The following ARHGAP15 variants were observed in gnomAD, a reference collection of about 807,000 sequenced individuals.
The protein encoded by ARHGAP15 is rho GTPase-activating protein 15.
A neutral mutation model predicts 63.7 loss-of-function variants in ARHGAP15; 51 were observed. That is an observed-to-expected ratio of 0.80 (90% CI 0.64 to 1.01). ARHGAP15 has a LOEUF of 1.01. ARHGAP15 is among the 50% of genes least tolerant of loss of function. The pLI is 0.00. For synonymous variants in ARHGAP15, 191 were observed against 193.8 expected (o/e 0.99, Z 0.12); for missense variants, 560 against 564.6 (o/e 0.99, Z 0.08).
intron 13 of ARHGAP15, among the ~76,000 whole-genome samples, chr2:143,713,808 C>T (rs552408579): frequency 6.6e-6 from 1 of 152,204 alleles, no homozygotes; most frequent in Non-Finnish European, 1.5e-5. Flanking sequence ...CTCCAGGTCT[C>T]ACATTCAGGT....
In ARHGAP15 at chr2:143,327,799, G is replaced by C. The variant is rs561421901; in HGVS notation, c.474+77199G>C. Among the ~76,000 whole-genome samples, 4 of 152,080 alleles carry C rather than the reference G, an allele frequency of 2.6e-5. No individual in the cohort carries two copies. The South Asian group carries it at 8.3e-4, about 32-fold the overall frequency. On this transcript the variant is annotated intron_variant, in intron 6 of 13. Coordinates refer to ENST00000295095, the MANE Select transcript of ARHGAP15 (RefSeq NM_018460.4). ...CTTCTGCATGGCAAAAGAAACTATC[G>C]TCAGAGTGAAGAGGCAAACTACAGA...
intron 6 of ARHGAP15, among the ~76,000 whole-genome samples, chr2:143,307,318 G>A (rs1432402690): frequency 1.3e-5 from 2 of 152,038 alleles, no homozygotes; most frequent in East Asian, 3.9e-4. Context: ...ATATTCACAG[G>A]TCCTGTCTGT....
intron 11 of ARHGAP15, among the ~76,000 whole-genome samples, chr2:143,560,986 T>A (rs1695996546): frequency 6.6e-6 from 1 of 152,228 alleles, no homozygotes; most frequent in South Asian, 2.1e-4. Flanking sequence ...TCCATGACCT[T>A]AGATGTCAAC....
chr2:143,382,621 C>T (rs1285104761), intron 6 of ARHGAP15, among the ~76,000 whole-genome samples: 1 of 152,124 alleles, frequency 6.6e-6, no homozygotes, highest in Non-Finnish European at 1.5e-5. Context: ...GGGGTTAGGA[C>T]TTTAACATAT....
chr2:143,387,352 G>A (rs981695781), intron 6 of ARHGAP15, among the ~76,000 whole-genome samples: 4 of 152,062 alleles, frequency 2.6e-5, no homozygotes, highest in African/African-American at 4.8e-5. Flanking sequence ...TAAACAGAAT[G>A]TAAGAGTCCC....
In ARHGAP15 at chr2:143,218,839, T is replaced by G. The variant is rs530311942; in HGVS notation, c.296+2394T>G. Reference sequence around the variant, plus strand: ...ATGTTGCTGTGCTGAATACTGTAGGTGATTGTAACATAATGGTATTTGTGT... The same window carrying G: ...ATGTTGCTGTGCTGAATACTGTAGGGGATTGTAACATAATGGTATTTGTGT... On this transcript the variant is annotated intron_variant, in intron 4 of 13. Coordinates refer to ENST00000295095, the MANE Select transcript of ARHGAP15 (RefSeq NM_018460.4). Among the ~76,000 whole-genome samples the G allele has an allele frequency of 7.2e-5, 11 of 152,242 alleles. No homozygotes were observed. The South Asian group carries it at 2.3e-3, about 32-fold the overall frequency.
intron 8 of ARHGAP15, among the ~76,000 whole-genome samples, chr2:143,438,113 G>C (rs1689695105): frequency 6.6e-6 from 1 of 152,074 alleles, no homozygotes; most frequent in African/African-American, 2.4e-5. Flanking sequence ...CTTCTACCTG[G>C]CTGACCCCAA....
chr2:143,385,657 G>C (rs1354949020), intron 6 of ARHGAP15, among the ~76,000 whole-genome samples: 1 of 152,040 alleles, frequency 6.6e-6, no homozygotes, highest in Non-Finnish European at 1.5e-5. Flanking sequence ...CCATTATCTA[G>C]CCTGTAATAT....
chr2:143,445,153 AT>A (rs10671306), intron 8 of ARHGAP15, among the ~76,000 whole-genome samples: 105 of 74,452 alleles, frequency 1.4e-3, no homozygotes, highest in African/African-American at 5.6e-3. Flanking sequence ...AAGAACAATT[AT>A]TTTTTTTTTT....
At chr2:143,727,778 A>G (rs937544406) in intron 13 of ARHGAP15, among the ~76,000 whole-genome samples, 1 of 152,204 alleles carries the variant, frequency 6.6e-6, no homozygotes, top group Non-Finnish European at 1.5e-5. Flanking sequence ...TATTATGACA[A>G]TGTGGTCAAG....
chr2:143,705,412 C>A (rs1684284470), intron 13 of ARHGAP15, among the ~76,000 whole-genome samples: 1 of 152,096 alleles, frequency 6.6e-6, no homozygotes, highest in South Asian at 2.1e-4. Flanking sequence ...ATGCTTTACT[C>A]CCATTATGAT....
chr2:143,138,698 C>G (rs1321207419), intron 1 of ARHGAP15, among the ~76,000 whole-genome samples: 1 of 152,060 alleles, frequency 6.6e-6, no homozygotes, highest in Non-Finnish European at 1.5e-5. Flanking sequence ...CTTCTTAGAT[C>G]CACCTATCCA....
intron 12 of ARHGAP15, among the ~76,000 whole-genome samples, chr2:143,634,309 G>A (rs935313251): frequency 1.3e-5 from 2 of 151,956 alleles, no homozygotes; most frequent in Admixed American, 6.6e-5. Flanking sequence ...GTTTCTACCC[G>A]CACCGCACAC....
intron 12 of ARHGAP15, among the ~76,000 whole-genome samples, chr2:143,666,338 A>T (rs900287588): frequency 1.3e-5 from 2 of 152,120 alleles, no homozygotes; most frequent in African/African-American, 4.8e-5. Context: ...CTATTTAATA[A>T]ATGGTGCTGG....
At chr2:143,578,691 A>G (rs771047483) in intron 11 of ARHGAP15, among the ~76,000 whole-genome samples, 12 of 152,206 alleles carry the variant, frequency 7.9e-5, no homozygotes, top group Non-Finnish European at 1.6e-4. Context: ...TCAGGGACAC[A>G]TGACAAAGCA....
At chr2:143,539,946 T>C (rs1340873399) in intron 10 of ARHGAP15, among the ~76,000 whole-genome samples, 2 of 151,960 alleles carry the variant, frequency 1.3e-5, no homozygotes, top group African/African-American at 4.8e-5. Flanking sequence ...GTTTACTTTC[T>C]GTCTCGTTGA....
intron 2 of ARHGAP15, among the ~76,000 whole-genome samples, chr2:143,157,805 T>C (rs1690140250): frequency 6.6e-6 from 1 of 151,876 alleles, no homozygotes; most frequent in Non-Finnish European, 1.5e-5. Flanking sequence ...CTGTTAAAGT[T>C]ATCTGCTCAA....
intron 6 of ARHGAP15, among the ~76,000 whole-genome samples, chr2:143,322,653 A>G (rs1029995160): frequency 1.3e-5 from 2 of 152,226 alleles, no homozygotes; most frequent in Non-Finnish European, 2.9e-5. Context: ...GCCTGATGGG[A>G]AAAACCAAAA....
At chr2:143,479,237 C>T (rs1362392218) in intron 8 of ARHGAP15, among the ~76,000 whole-genome samples, 1 of 152,142 alleles carries the variant, frequency 6.6e-6, no homozygotes, top group Non-Finnish European at 1.5e-5. Context: ...TTTTATTCTC[C>T]AACTTGACTT....
Sources: gnomAD v4.1 joint callset for allele counts (sites outside exome capture counted in the v4.1 genomes callset) on GRCh38, gnomAD v4.1.1 for gene constraint, MANE v1.5 for transcripts, NCBI Gene and HGNC (gene_info 2026-07-23, HGNC 2026-07-21) for gene names.